Variants in POLA1 observed in about 807,000 individuals in gnomAD.
POLA1 encodes the protein DNA polymerase alpha 1, catalytic subunit, also known as DNA polymerase alpha catalytic subunit.
Under a neutral mutation model 124.0 loss-of-function variants are expected in POLA1, and 15 were observed. That is an observed-to-expected ratio of 0.12 (90% confidence interval 0.08 to 0.19). The LOEUF (loss-of-function observed/expected upper bound fraction) is 0.19. Ranked by LOEUF, POLA1 falls within the 10% of genes least tolerant of loss-of-function variation. The pLI is 1.00. For synonymous variants in POLA1, 408 were observed against 389.4 expected (o/e 1.05, Z -0.56); for missense variants, 886 against 1,103.4 (o/e 0.80, Z 2.79).
chrX:24,778,010 T>C (rs2045175847), intron 26 of POLA1, among the ~76,000 whole-genome samples: 1 of 112,110 alleles, frequency 8.9e-6, no homozygotes, highest in Non-Finnish European at 1.9e-5. Flanking sequence ...TAATACCAAG[T>C]TAAAAGAAAA....
rs972323699 is a variant in POLA1 at position 24,764,825 on chromosome X, A to G, written c.2964+15833A>G. ...TCCATTTCTCTCCATTGACACTGCC[A>G]CTGCTCTGATTAGTTTAGACCACCA... On this transcript the variant is annotated intron_variant, in intron 26 of 36. Transcript: ENST00000379068. 4.5e-5 allele frequency among the ~76,000 whole-genome samples: 5 copies of G among 111,567 alleles called. No individual in the cohort carries two copies. In the Admixed American group the frequency reaches 4.7e-4, roughly 11 times the overall value.
At chrX:24,854,069 G>A (rs979085814) in intron 34 of POLA1, among the ~76,000 whole-genome samples, 3 of 111,384 alleles carry the variant, frequency 2.7e-5, no homozygotes, top group African/African-American at 9.8e-5. Flanking sequence ...GTTTTGAGAC[G>A]GAGTCTCACT....
At chrX:24,952,710 AGTTT>A (rs1364827804) in intron 36 of POLA1, among the ~76,000 whole-genome samples, 1 of 112,261 alleles carries the variant, frequency 8.9e-6, no homozygotes, top group Non-Finnish European at 1.9e-5. Context: ...GTTTTTTAGT[AGTTT>A]GTTGTCTTTG....
At chrX:24,816,079 ACT>A (rs760301199) in intron 30 of POLA1, among the ~76,000 whole-genome samples, 11 of 111,758 alleles carry the variant, frequency 9.8e-5, no homozygotes, top group African/African-American at 3.6e-4. Flanking sequence ...ATTATAAATA[ACT>A]CTATTGAACA....
chrX:24,709,526 G>T (rs1389275150), intron 4 of POLA1, among the ~76,000 whole-genome samples: 1 of 109,053 alleles, frequency 9.2e-6, no homozygotes, highest in Non-Finnish European at 1.9e-5. Context: ...GGTGGCTGCC[G>T]GGCGGAGACG....
chrX:24,813,719 C>T (rs1224643391), intron 29 of POLA1, among the ~76,000 whole-genome samples: 3 of 106,174 alleles, frequency 2.8e-5, no homozygotes, highest in African/African-American at 1.0e-4. Flanking sequence ...GAGGCTGAGG[C>T]AGGAGAATCG....
intron 15 of POLA1, 96 bp from the exon 16 acceptor site, chrX:24,732,274 A>G (rs771576150): frequency 1.5e-5 from 9 of 608,779 alleles, no homozygotes; most frequent in Non-Finnish European, 2.5e-5. Flanking sequence ...ATATGTGTTT[A>G]AATGTGTATC....
intron 26 of POLA1, among the ~76,000 whole-genome samples, chrX:24,797,935 C>G (rs1189201260): frequency 1.8e-5 from 2 of 108,727 alleles, no homozygotes; most frequent in African/African-American, 6.7e-5. Flanking sequence ...ATAGTCCCAG[C>G]TACTTGGGAG....
chrX:24,963,942 A>G (rs1166713710), intron 36 of POLA1, among the ~76,000 whole-genome samples: 1 of 111,452 alleles, frequency 9.0e-6, no homozygotes, highest in Non-Finnish European at 1.9e-5. Flanking sequence ...TGAAATTTGA[A>G]GGAGTTTGTG....
chrX:24,800,309 T>A (rs1003197949), intron 26 of POLA1, among the ~76,000 whole-genome samples: 2 of 112,615 alleles, frequency 1.8e-5, no homozygotes, highest in African/African-American at 6.4e-5. Flanking sequence ...TATGTGGATC[T>A]TCTTTCTAGA....
At chrX:24,753,601 C>T (rs930191854) in intron 26 of POLA1, among the ~76,000 whole-genome samples, 1 of 111,477 alleles carries the variant, frequency 9.0e-6, no homozygotes, top group African/African-American at 3.3e-5. Context: ...GGGATCCTCT[C>T]ACCTTGGCCT....
At chrX:24,972,261 G>A (rs865799518) in intron 36 of POLA1, among the ~76,000 whole-genome samples, 2 of 112,247 alleles carry the variant, frequency 1.8e-5, no homozygotes, top group African/African-American at 3.2e-5. Context: ...GTGAGCCACC[G>A]GGCCTGGCCG....
At chrX:24,844,233 T>C (rs754051417) in intron 34 of POLA1, among the ~76,000 whole-genome samples, 3 of 112,049 alleles carry the variant, frequency 2.7e-5, no homozygotes, top group Non-Finnish European at 5.6e-5. Context: ...TTTATAAATT[T>C]ATAGTAAAAA....
chrX:24,857,356 C>T (rs990948195), intron 34 of POLA1, among the ~76,000 whole-genome samples: 21 of 111,777 alleles, frequency 1.9e-4, no homozygotes, highest in Admixed American at 1.4e-3. Context: ...TAGTGCAATT[C>T]TTCCATTTTA....
intron 26 of POLA1, among the ~76,000 whole-genome samples, chrX:24,774,795 T>G (rs1360292262): frequency 2.7e-5 from 3 of 112,700 alleles, no homozygotes; most frequent in African/African-American, 9.7e-5. Context: ...GACACATCAA[T>G]TGTGTAATTG....
chrX:24,995,811 T>C lies in POLA1; in HGVS notation c.4268T>C (p.Leu1423Ser). Residue 1423 changes from leucine (L) to serine (S), a missense_variant, in exon 37 of 37, where the codon TTG becomes TCG. By Grantham distance (145) the Leu-to-Ser change is moderately radical. This residue lies in a region of POLA1 where 313 missense variants were observed against 359.7 expected (regional missense o/e 0.87). Coordinates refer to ENST00000379068, the MANE Select transcript of POLA1 (RefSeq NM_001330360.2). ...KLTTDHEKDK[L>S]KKQFFTPKVL... ...TCTCTCTCTCTCTTTTTAGATAAATTGAAGAAGCAATTTTTTACCCCCAAA... is the reference window on the plus strand; with the variant it reads ...TCTCTCTCTCTCTTTTTAGATAAATCGAAGAAGCAATTTTTTACCCCCAAA... 8.3e-7 allele frequency: 1 copy of C among 1,204,365 alleles called. No homozygotes were observed. The highest frequency in any genetic ancestry group is 1.1e-6 in the Non-Finnish European group (1 of 889,909).
intron 35 of POLA1, among the ~76,000 whole-genome samples, chrX:24,894,528 G>A (rs1317578105): frequency 7.1e-5 from 8 of 111,933 alleles, no homozygotes; most frequent in Non-Finnish European, 1.1e-4. Flanking sequence ...AAGTGTTGGC[G>A]GGGCCATTTT....
intron 36 of POLA1, among the ~76,000 whole-genome samples, chrX:24,942,467 G>A (rs1271058499): frequency 8.9e-6 from 1 of 111,812 alleles, no homozygotes; most frequent in Non-Finnish European, 1.9e-5. Context: ...CCTGAGTTGG[G>A]CCTTAAAGAG....
intron 36 of POLA1, 92 bp from the exon 37 acceptor site, chrX:24,995,713 A>G: frequency 1.3e-6 from 1 of 798,101 alleles, no homozygotes; most frequent in Non-Finnish European, 1.8e-6. Context: ...GTGGAGATAC[A>G]AATGGAATCA....
Sources: allele counts gnomAD v4.1 joint callset (sites outside exome capture counted in the v4.1 genomes callset), GRCh38; gene constraint gnomAD v4.1.1; regional missense constraint gnomAD v4.1.1; transcripts MANE v1.5; gene names NCBI Gene and HGNC (gene_info 2026-07-23, HGNC 2026-07-21).